The following FAT4 variants were observed in gnomAD, a reference collection of about 807,000 sequenced individuals.
FAT4 encodes the protein protocadherin Fat 4.
In FAT4, 84 loss-of-function variants were observed where a neutral mutation model predicts 303.9. That is an observed-to-expected ratio of 0.28 (90% CI 0.23 to 0.33). The LOEUF (loss-of-function observed/expected upper bound fraction) is 0.33, where lower values mean the gene tolerates loss of function less well. Ranked by LOEUF, FAT4 falls within the 10% of genes least tolerant of loss-of-function variation. The probability of loss-of-function intolerance (pLI) is 1.00; values close to 1 mark genes in which losing one functional copy is unlikely to be tolerated. For missense variants in FAT4, 6,005 were observed against 6,146.8 expected (o/e 0.98, Z 0.77); for synonymous variants, 2,307 against 2,298.8 (o/e 1.00, Z -0.10).
intron 12 of FAT4, among the ~76,000 whole-genome samples, chr4:125,473,218 A>C (rs1449444897): frequency 1.3e-5 from 2 of 152,118 alleles, no homozygotes; most frequent in Non-Finnish European, 2.9e-5. Context: ...GGTCACCCTG[A>C]ATTATCACCA....
At position 125,317,743 on chromosome 4, in the gene FAT4, C is replaced by T. The variant is rs1730689505; in HGVS notation, c.1332C>T (p.Tyr444=). The T allele has an allele frequency of 6.2e-7, 1 of 1,614,044 alleles. No homozygotes were observed. Among genetic ancestry groups the T allele is most frequent in the South Asian group, 1.1e-5 (1 of 91,086 alleles). The change falls in exon 2 of 18, where the codon TAC becomes TAT. Residue 444 remains tyrosine (Y), a synonymous_variant. Coordinates refer to ENST00000394329, the MANE Select transcript of FAT4 (RefSeq NM_001291303.3). This position sits in a 1 kb window ranked among gnomAD's most constrained non-coding sequence, Gnocchi z 7.0. ...TCACAGTTTCCGTCTCTGATAACTA[C>T]GGGGCGCCCCCTGGCGCAGCAGTCC... ...YNLTVSVSDN[Y]GAPPGAAVQA...
chr4:125,319,790 A>G lies in FAT4; in HGVS notation c.3379A>G (p.Lys1127Glu). Residue 1127 changes from lysine to glutamate, a missense_variant, in exon 2 of 18, where the codon AAA (lysine) becomes GAA (glutamate). Transcript: ENST00000394329. The stretch of plus-strand genomic sequence containing the variant: ...TGTGGGCAAAGTAAGTGCTGTAGAT[A>G]AAGACTTTGGGCCAAATGGAGAAGT... ...SFVGKVSAVD[K>E]DFGPNGEVRY... is the part of the protein sequence containing the mutation. 1.2e-6 allele frequency: 2 copies of G among 1,614,236 alleles called. No individual in the cohort carries two copies. The highest frequency in any genetic ancestry group is 1.1e-5 in the South Asian group (1 of 91,084).
Position 125,319,625 on chromosome 4 carries a change from G to A in FAT4, c.3214G>A (p.Ala1072Thr). 1 of 1,614,070 alleles carries A rather than the reference G, an allele frequency of 6.2e-7. No homozygotes were observed. The highest frequency in any genetic ancestry group is 1.1e-5 in the South Asian group (1 of 91,074). ...AGACAGATATGTTTTAATGGTTGTT[G>A]CTTCTGACAGAGCAGTGGAACCCCT... Reference protein sequence around the residue: ...LQDRYVLMVVASDRAVEPLSA... With the variant: ...LQDRYVLMVVTSDRAVEPLSA... The change falls in exon 2 of 18, where the codon GCT becomes ACT. Residue 1072 changes from alanine to threonine, a missense_variant. Transcript: ENST00000394329.
At chr4:125,418,960 G>C (rs1450723549) in intron 7 of FAT4, among the ~76,000 whole-genome samples, 4 of 152,110 alleles carry the variant, frequency 2.6e-5, no homozygotes, top group African/African-American at 9.7e-5. Flanking sequence ...AACTAGAAGA[G>C]TATACTTTAA....
At chr4:125,472,488 C>T (rs1028106105) in intron 12 of FAT4, among the ~76,000 whole-genome samples, 1 of 152,006 alleles carries the variant, frequency 6.6e-6, no homozygotes, top group Non-Finnish European at 1.5e-5. Context: ...AAAATTTATG[C>T]AATCTATAAT....
At chr4:125,460,617 G>A (rs558483709) in intron 10 of FAT4, among the ~76,000 whole-genome samples, 1 of 152,074 alleles carries the variant, frequency 6.6e-6, no homozygotes, top group East Asian at 1.9e-4. Context: ...ACATAATCTT[G>A]TTCTTTTTTA....
Position 125,321,321 on chromosome 4 carries a change from T to G in FAT4, c.4910T>G (p.Ile1637Ser). Reference protein sequence around the residue: ...PVFTQPKYITILKEGEPIGTN... With the variant: ...PVFTQPKYITSLKEGEPIGTN... The stretch of plus-strand genomic sequence containing the variant: ...TTTACTCAACCCAAATATATAACTA[T>G]TTTGAAGGAAGGAGAACCCATTGGC... Residue 1637 changes from isoleucine (I) to serine (S), a missense_variant, in exon 2 of 18, where the codon ATT (isoleucine) becomes AGT (serine). Ile to Ser is a moderately radical substitution (Grantham distance 142). Coordinates refer to ENST00000394329, the MANE Select transcript of FAT4 (RefSeq NM_001291303.3). 6.2e-7 allele frequency: 1 copy of G among 1,614,134 alleles called. No homozygotes were observed. The highest frequency in any genetic ancestry group is 1.6e-4 in the Middle Eastern group (1 of 6,062).
chr4:125,457,120 C>A (rs1302080289), intron 10 of FAT4, among the ~76,000 whole-genome samples: 1 of 111,904 alleles, frequency 8.9e-6, no homozygotes, highest in Non-Finnish European at 1.8e-5. Context: ...CAGTTTCTCT[C>A]ATACACACAC....
At chr4:125,407,232 A>AAAAACTAATCATT in intron 4 of FAT4, 91 bp downstream of exon 4, 2 of 1,174,738 alleles carry the variant, frequency 1.7e-6, no homozygotes, top group Non-Finnish European at 1.2e-6. Flanking sequence ...ATCAATGATT[A>AAAAACTAATCATT]GTTTTTAATC....
intron 14 of FAT4, among the ~76,000 whole-genome samples, chr4:125,478,233 C>A (rs2126084636): frequency 6.6e-6 from 1 of 152,204 alleles, no homozygotes; most frequent in South Asian, 2.1e-4. Context: ...ATTTGCCTTT[C>A]TTTTCCTACA....
rs759309740 is a variant in FAT4, at chr4:125,318,432, G to A, written c.2021G>A (p.Arg674His). 8.0e-5 allele frequency: 129 copies of A among 1,613,980 alleles called. No homozygotes were observed. The highest frequency in any genetic ancestry group is 1.0e-4 in the Non-Finnish European group (121 of 1,180,036). ...LGSPPQSSMA[R>H]INVSLLDIND... ...TCCCCTCCCCAGTCATCAATGGCTC[G>A]CATAAATGTGAGTCTTCTGGATATA... The change falls in exon 2 of 18, where the codon CGC becomes CAC. Residue 674 changes from arginine (R) to histidine (H), a missense_variant. Arg to His is a conservative substitution (Grantham distance 29, BLOSUM62 0). Transcript: ENST00000394329.
rs769212397 is a variant in FAT4, at chr4:125,491,535, A to G, written c.14719A>G (p.Thr4907Ala). The change falls in exon 18 of 18, where the codon ACC (threonine) becomes GCC (alanine). Residue 4907 changes from threonine to alanine, a missense_variant. Thr to Ala is a moderately conservative substitution (Grantham distance 58). Transcript: ENST00000394329. ...GRRAEGGPVG[T>A]QAAAPGTADN... ...CAGGGCCGAGGGAGGACCTGTGGGC[A>G]CCCAGGCAGCAGCACCAGGCACTGC... 1 of 1,614,190 alleles carries G rather than the reference A, an allele frequency of 6.2e-7. No individual in the cohort carries two copies. The highest frequency in any genetic ancestry group is 8.5e-7 in the Non-Finnish European group (1 of 1,180,034).
At chr4:125,321,680 G>A (rs1407596052) in intron 2 of FAT4, 94 bp downstream of exon 2, 4 of 1,243,834 alleles carry the variant, frequency 3.2e-6, no homozygotes, top group African/African-American at 3.0e-5. Flanking sequence ...TACCTTCATT[G>A]TTTATTGTTA....
In FAT4 at chr4:125,450,275, C is replaced by T; in HGVS notation, c.9265C>T (p.Pro3089Ser). The change falls in exon 10 of 18, where the codon CCT becomes TCT. Residue 3089 changes from proline (P) to serine (S), a missense_variant. Coordinates refer to ENST00000394329, the MANE Select transcript of FAT4 (RefSeq NM_001291303.3). ...TGTCACTGAGGAAAACTACCATACA[C>T]CTGAATTCTCTCAAAGCCACATGAG... ...ITVTEENYHT[P>S]EFSQSHMSAT... The T allele has an allele frequency of 6.2e-7, 1 of 1,614,088 alleles. No homozygotes were observed.
At chr4:125,437,061 G>A (rs1220734556) in intron 8 of FAT4, among the ~76,000 whole-genome samples, 2 of 151,974 alleles carry the variant, frequency 1.3e-5, no homozygotes, top group Non-Finnish European at 2.9e-5. Context: ...CACCATGTTG[G>A]CCACACTGGT....
In FAT4 at chr4:125,406,913, A is replaced by C. The variant is rs1734635268; in HGVS notation, c.5341A>C (p.Ser1781Arg). The C allele has an allele frequency of 1.2e-6, 2 of 1,613,708 alleles. No homozygotes were observed. The highest frequency in any genetic ancestry group is 1.3e-5 in the African/African-American group (1 of 74,886). ...TGCTCTCGTCACATACACTATCATT[A>C]GTGGAGCTGATGATAGTTTTCGCAT... ...ANALVTYTII[S>R]GADDSFRIDP... is the part of the protein sequence containing the mutation. The change falls in exon 4 of 18, where the codon AGT becomes CGT. Residue 1781 changes from serine (S) to arginine (R), a missense_variant. Transcript: ENST00000394329.
At position 125,319,495 on chromosome 4, in the gene FAT4, T is replaced by C. The variant is rs766028541; in HGVS notation, c.3084T>C (p.Asn1028=). 3.1e-6 allele frequency: 5 copies of C among 1,613,976 alleles called. No individual in the cohort carries two copies. The highest frequency in any genetic ancestry group is 1.7e-5 in the Admixed American group (1 of 60,008). Residue 1028 remains asparagine, a synonymous_variant, in exon 2 of 18, where the codon AAT becomes AAC. Coordinates refer to ENST00000394329, the MANE Select transcript of FAT4 (RefSeq NM_001291303.3). ...CTTCTGATAAGGATTCAGGAGCAAA[T>C]GGTGAAATTGCATACACCATTGCTG... ...VQASDKDSGA[N]GEIAYTIAEG...
Position 125,318,990 on chromosome 4 carries a change from C to A in FAT4, c.2579C>A (p.Ser860Tyr). ...TANVIDREEQ[S>Y]FYQLKVVASG... ...AATGTGATTGATAGAGAAGAGCAAT[C>A]CTTTTATCAGCTGAAGGTAGTGGCC... is the stretch of plus-strand genomic sequence containing the variant. Residue 860 changes from serine (S) to tyrosine (Y), a missense_variant, in exon 2 of 18, where the codon TCC (serine) becomes TAC (tyrosine). By Grantham distance (144) the Ser-to-Tyr change is moderately radical. Coordinates refer to ENST00000394329, the MANE Select transcript of FAT4 (RefSeq NM_001291303.3). 1 of 1,614,166 alleles carries A rather than the reference C, an allele frequency of 6.2e-7. No homozygotes were observed. Among genetic ancestry groups the A allele is most frequent in the Middle Eastern group, 1.6e-4 (1 of 6,062 alleles).
rs972452912 is a variant in FAT4, at chr4:125,415,396, C to T, written c.6433C>T (p.Leu2145Phe). Reference sequence around the variant, plus strand: ...ATCTACAGAGGTTGTAGTTATGGTACTTGACATCAATGATAACAACCCCAT... The same window carrying T: ...ATCTACAGAGGTTGTAGTTATGGTATTTGACATCAATGATAACAACCCCAT... ...SSSTEVVVMVLDINDNNPIFA... is the reference protein window; with the variant it reads ...SSSTEVVVMVFDINDNNPIFA... The change falls in exon 6 of 18, where the codon CTT becomes TTT. Residue 2145 changes from leucine (L) to phenylalanine (F), a missense_variant. By Grantham distance (22) the Leu-to-Phe change is conservative. Coordinates refer to ENST00000394329, the MANE Select transcript of FAT4 (RefSeq NM_001291303.3). 15 of 1,613,890 alleles carry T rather than the reference C, an allele frequency of 9.3e-6. No individual in the cohort carries two copies. The highest frequency in any genetic ancestry group is 1.3e-5 in the African/African-American group (1 of 74,882).
Sources: gnomAD v4.1 joint callset for allele counts (sites outside exome capture counted in the v4.1 genomes callset) on GRCh38, gnomAD v4.1.1 for gene constraint, Gnocchi (gnomAD v3.1) non-coding constraint, MANE v1.5 for transcripts, NCBI Gene and HGNC (gene_info 2026-07-23, HGNC 2026-07-21) for gene names.